Variants in MEIG1 observed in about 807,000 individuals in gnomAD.
MEIG1 encodes meiosis expressed gene 1 protein homolog.
In MEIG1, 12 loss-of-function variants were observed where a neutral mutation model predicts 11.3. The ratio of observed to expected loss-of-function variants is 1.07; its 90% CI spans 0.68 to 1.73. MEIG1 has a LOEUF of 1.73. MEIG1 is among the 40% of genes most tolerant of loss of function. The pLI, the probability that MEIG1 is intolerant of heterozygous loss-of-function variation, is 0.00. For missense variants in MEIG1, 119 were observed against 104.9 expected, an observed-to-expected ratio of 1.13 and a Z score of -0.59; for synonymous variants, 41 against 33.2, an observed-to-expected ratio of 1.24 and a Z score of -0.81.
upstream of MEIG1, among the ~76,000 whole-genome samples, chr10:14,958,910 C>CA (rs1345030465): frequency 2.0e-5 from 3 of 151,646 alleles, no homozygotes; most frequent in Non-Finnish European, 4.4e-5. Flanking sequence ...AAAACAAAAA[C>CA]AAAAAAACAA....
intron 1 of MEIG1, among the ~76,000 whole-genome samples, chr10:14,960,921 C>T (rs1325415757): frequency 2.0e-5 from 3 of 151,950 alleles, no homozygotes; most frequent in Admixed American, 6.6e-5. Context: ...TCCAGCTACT[C>T]GGGAGGCTGA....
chr10:14,970,325 G>A (rs767403428), intron 2 of MEIG1: 2 of 152,214 alleles, frequency 1.3e-5, no homozygotes, highest in East Asian at 1.9e-4. Flanking sequence ...GATGCCAAGG[G>A]ACATCAAAAG....
chr10:14,985,538 G>A (rs1407091542), intron 1 of MEIG1, among the ~76,000 whole-genome samples: 1 of 151,816 alleles, frequency 6.6e-6, no homozygotes, highest in Admixed American at 6.6e-5. Context: ...CAATGCTTGT[G>A]ATACTATTCC....
At chr10:14,971,115 A>G (rs531035993) in intron 2 of MEIG1, among the ~76,000 whole-genome samples, 1 of 152,036 alleles carries the variant, frequency 6.6e-6, no homozygotes, top group South Asian at 2.1e-4. Flanking sequence ...GACTGGGGAC[A>G]GTGGCTCACA....
chr10:14,963,365 G>C (rs1302098258), intron 1 of MEIG1, among the ~76,000 whole-genome samples: 1 of 152,202 alleles, frequency 6.6e-6, no homozygotes, highest in Non-Finnish European at 1.5e-5. Context: ...AAAGTGCTGG[G>C]ATTACAGGCG....
upstream of MEIG1, among the ~76,000 whole-genome samples, chr10:14,957,711 G>GCCACCTCCACCT (rs569486187): frequency 2.4e-4 from 37 of 152,166 alleles, no homozygotes; most frequent in African/African-American, 8.9e-4. Flanking sequence ...TCGGCTCACT[G>GCCACCTCCACCT]CCACCTCCAC....
upstream of MEIG1, among the ~76,000 whole-genome samples, chr10:14,959,137 T>C (rs910584718): frequency 6.6e-6 from 1 of 152,232 alleles, no homozygotes; most frequent in African/African-American, 2.4e-5. Flanking sequence ...GTCTCCGTGC[T>C]GTGATCCGCT....
intron 1 of MEIG1, among the ~76,000 whole-genome samples, chr10:14,979,654 T>G (rs1843245316): frequency 6.6e-6 from 1 of 152,034 alleles, no homozygotes; most frequent in Admixed American, 6.5e-5. Context: ...TCACATGGGG[T>G]GTACACCCTG....
At chr10:14,977,057 A>G (rs1843217168), downstream of MEIG1, among the ~76,000 whole-genome samples, 1 of 151,934 alleles carries the variant, frequency 6.6e-6, no homozygotes, top group Admixed American at 6.6e-5. Flanking sequence ...GTCCTAGCGC[A>G]ATTTTACTTT....
chr10:14,977,665 A>ATCTC (rs1843224026), downstream of MEIG1, among the ~76,000 whole-genome samples: 2 of 151,756 alleles, frequency 1.3e-5, no homozygotes, highest in East Asian at 1.9e-4. Flanking sequence ...GGTGTACCCC[A>ATCTC]TGTGGGTATA....
downstream of MEIG1, among the ~76,000 whole-genome samples, chr10:14,974,232 C>T (rs1032454408): frequency 6.6e-6 from 1 of 152,136 alleles, no homozygotes; most frequent in African/African-American, 2.4e-5. Context: ...TTTTGACAAT[C>T]AGCTGGTGCA....
downstream of MEIG1, among the ~76,000 whole-genome samples, chr10:14,977,545 T>G (rs1476572971): frequency 1.3e-5 from 2 of 151,670 alleles, no homozygotes; most frequent in African/African-American, 2.4e-5. Context: ...TTTGTAATCT[T>G]ATAGAGAGAT....
chr10:14,956,221 C>T (rs1322981209), upstream of MEIG1, among the ~76,000 whole-genome samples: 1 of 152,158 alleles, frequency 6.6e-6, no homozygotes, highest in Non-Finnish European at 1.5e-5. Flanking sequence ...CAGTTTGCAG[C>T]TTAACACACC....
At chr10:14,979,589 G>T (rs569475601) in intron 1 of MEIG1, among the ~76,000 whole-genome samples, 38 of 152,008 alleles carry the variant, frequency 2.5e-4, no homozygotes, top group Non-Finnish European at 2.7e-4. Context: ...AATCACAGGG[G>T]CTGTCAACCC....
intron 1 of MEIG1, among the ~76,000 whole-genome samples, chr10:14,964,594 TATATATATATATATAC>T (rs1196663481): frequency 2.0e-5 from 2 of 100,286 alleles, no homozygotes; most frequent in African/African-American, 7.0e-5. Context: ...TGTATATATA[TATATATATATATATAC>T]ACACACACAC....
chr10:14,963,874 G>A (rs931523693), intron 1 of MEIG1, among the ~76,000 whole-genome samples: 5 of 152,106 alleles, frequency 3.3e-5, no homozygotes, highest in South Asian at 4.1e-4. Flanking sequence ...TGAGGCAGGC[G>A]GATCATGAGT....
intron 1 of MEIG1, among the ~76,000 whole-genome samples, chr10:14,985,081 C>T (rs985812471): frequency 2.6e-5 from 4 of 151,274 alleles, no homozygotes; most frequent in South Asian, 2.1e-4. Flanking sequence ...CATTCTCTGA[C>T]ATTATTCGTT....
intron 2 of MEIG1, among the ~76,000 whole-genome samples, chr10:14,967,175 C>T (rs987330832): frequency 2.5e-5 from 3 of 117,986 alleles, no homozygotes; most frequent in East Asian, 2.2e-4. Flanking sequence ...GAATCTTTTG[C>T]GGTAGACCAC....
At chr10:14,983,701 CTG>C (rs1349162666) in intron 1 of MEIG1, among the ~76,000 whole-genome samples, 1 of 152,038 alleles carries the variant, frequency 6.6e-6, no homozygotes, top group Non-Finnish European at 1.5e-5. Flanking sequence ...TACACCCACT[CTG>C]TGATATTTTT....
Sources: gnomAD v4.1 joint callset for allele counts (sites outside exome capture counted in the v4.1 genomes callset) on GRCh38, gnomAD v4.1.1 for gene constraint, MANE v1.5 for transcripts, NCBI Gene and HGNC (gene_info 2026-07-23, HGNC 2026-07-21) for gene names.